The following TBC1D22A variants were observed in gnomAD, a reference collection of about 807,000 sequenced individuals.
The protein encoded by TBC1D22A is putative GTPase activator.
In TBC1D22A, 38 loss-of-function variants were observed where a neutral mutation model predicts 60.2. The ratio of observed to expected loss-of-function variants is 0.63; its 90% CI spans 0.49 to 0.83. TBC1D22A has a LOEUF of 0.83. TBC1D22A is among the 40% of genes least tolerant of loss of function. The pLI is 0.00. For synonymous variants in TBC1D22A, 302 were observed against 281.7 expected, an observed-to-expected ratio of 1.07 and a Z score of -0.72; for missense variants, 628 against 701.0, an observed-to-expected ratio of 0.90 and a Z score of 1.18.
intron 11 of TBC1D22A, among the ~76,000 whole-genome samples, chr22:47,098,704 A>G (rs1239278870): frequency 6.6e-6 from 1 of 152,150 alleles, no homozygotes; most frequent in Non-Finnish European, 1.5e-5. Context: ...AGGTCAGATG[A>G]CTCGCATCAT....
intron 1 of TBC1D22A, among the ~76,000 whole-genome samples, chr22:46,772,885 C>T (rs2083550195): frequency 6.6e-6 from 1 of 152,198 alleles, no homozygotes; most frequent in Non-Finnish European, 1.5e-5. Flanking sequence ...GCCTTGGCCT[C>T]CCAAAGTGCA....
intron 1 of TBC1D22A, among the ~76,000 whole-genome samples, chr22:46,791,735 C>T (rs2084418404): frequency 6.6e-6 from 1 of 152,158 alleles, no homozygotes; most frequent in South Asian, 2.1e-4. Flanking sequence ...TACTCTGATG[C>T]ATGTAAGACT....
chr22:47,007,302 A>G (rs2061625145), intron 10 of TBC1D22A, among the ~76,000 whole-genome samples: 1 of 152,172 alleles, frequency 6.6e-6, no homozygotes, highest in Non-Finnish European at 1.5e-5. Flanking sequence ...GGCACAGAAC[A>G]TGTGTCCTGC....
At chr22:47,086,129 T>C (rs544556309) in intron 11 of TBC1D22A, among the ~76,000 whole-genome samples, 5 of 152,230 alleles carry the variant, frequency 3.3e-5, no homozygotes, top group African/African-American at 7.2e-5. Flanking sequence ...CTGGGAGCGC[T>C]GTGGCTCCCA....
chr22:47,044,373 G>T (rs1302096219), intron 11 of TBC1D22A, among the ~76,000 whole-genome samples: 2 of 152,220 alleles, frequency 1.3e-5, no homozygotes, highest in African/African-American at 4.8e-5. Context: ...GGCTGCCTCG[G>T]GTCTCCACTT....
chr22:47,077,516 T>TG (rs1021823475), intron 11 of TBC1D22A, among the ~76,000 whole-genome samples: 102 of 152,334 alleles, frequency 6.7e-4, no homozygotes, highest in African/African-American at 2.4e-3. Flanking sequence ...TCGGTTCTGC[T>TG]GGGGGGTCTG....
chr22:46,904,861 A>AGCTCCG (rs2069341920), intron 7 of TBC1D22A, among the ~76,000 whole-genome samples: 1 of 124,782 alleles, frequency 8.0e-6, no homozygotes. Flanking sequence ...TGCCAGCTCC[A>AGCTCCG]CCTCCCGGGT....
intron 4 of TBC1D22A, among the ~76,000 whole-genome samples, chr22:46,831,909 T>C (rs1218263514): frequency 6.6e-6 from 1 of 152,192 alleles, no homozygotes; most frequent in Non-Finnish European, 1.5e-5. Flanking sequence ...TAAAATTAGC[T>C]GATTCCAGTG....
At chr22:47,086,860 A>G (rs1294523659) in intron 11 of TBC1D22A, among the ~76,000 whole-genome samples, 1 of 152,220 alleles carries the variant, frequency 6.6e-6, no homozygotes, top group Non-Finnish European at 1.5e-5. Flanking sequence ...GAGCCATCCA[A>G]AAGATTAGTT....
Position 47,028,294 on chromosome 22 carries a change from T to A in TBC1D22A, c.1202-8777T>A, listed in dbSNP as rs2062329243. ...ATTTATTTCATTCTGCACTCATGTTTACTGAGATTCTGAGAGTGAGTGGTC... is the reference window on the plus strand; with the variant it reads ...ATTTATTTCATTCTGCACTCATGTTAACTGAGATTCTGAGAGTGAGTGGTC... On this transcript the variant is annotated intron_variant, in intron 10 of 12. Coordinates refer to ENST00000337137, the MANE Select transcript of TBC1D22A (RefSeq NM_014346.5). This position sits in a 1 kb window ranked among gnomAD's most constrained non-coding sequence, Gnocchi z 4.4. Among the ~76,000 whole-genome samples, 1 of 152,224 alleles carries A rather than the reference T, an allele frequency of 6.6e-6. No individual in the cohort carries two copies. Among genetic ancestry groups the A allele is most frequent in the African/African-American group, 2.4e-5 (1 of 41,446 alleles).
chr22:46,884,221 C>G (rs888998406), intron 5 of TBC1D22A, among the ~76,000 whole-genome samples: 1 of 151,466 alleles, frequency 6.6e-6, no homozygotes, highest in Non-Finnish European at 1.5e-5. Context: ...TGGTGAGGGC[C>G]GAGGAGGGGA....
At chr22:47,169,290 G>A (rs1391403826) in intron 12 of TBC1D22A, among the ~76,000 whole-genome samples, 1 of 152,142 alleles carries the variant, frequency 6.6e-6, no homozygotes, top group Non-Finnish European at 1.5e-5. Flanking sequence ...GGTGGAAAGC[G>A]TGAGCAACTC....
intron 8 of TBC1D22A, among the ~76,000 whole-genome samples, chr22:46,972,206 G>A (rs543412258): frequency 2.7e-4 from 41 of 152,312 alleles, no homozygotes; most frequent in African/African-American, 9.1e-4. Flanking sequence ...CATGCCACTG[G>A]GTGACTCCGA....
At chr22:46,885,136 G>A (rs183069929) in intron 5 of TBC1D22A, among the ~76,000 whole-genome samples, 161 of 152,322 alleles carry the variant, frequency 1.1e-3, no homozygotes, top group African/African-American at 3.5e-3. Flanking sequence ...AGTCTTCAGC[G>A]TCTCTGTATC....
At chr22:47,152,838 C>T (rs912505429) in intron 12 of TBC1D22A, among the ~76,000 whole-genome samples, 10 of 152,150 alleles carry the variant, frequency 6.6e-5, no homozygotes, top group South Asian at 4.1e-4. Flanking sequence ...TCGGGGGAGA[C>T]GCAGGATGCC....
In TBC1D22A at chr22:47,086,198, C is replaced by T. The variant is rs548899798; in HGVS notation, c.1330-25310C>T. On this transcript the variant is annotated intron_variant, in intron 11 of 12. Coordinates refer to ENST00000337137, the MANE Select transcript of TBC1D22A (RefSeq NM_014346.5). ...AGCCATGGCTGGCCGAGCGCGGTGG[C>T]TCATGCCTGTAATCCCAGCACTTTG... Among the ~76,000 whole-genome samples, 4 of 152,310 alleles carry T rather than the reference C, an allele frequency of 2.6e-5. No homozygotes were observed. In the South Asian group the frequency reaches 6.2e-4, roughly 24 times the overall value.
At position 47,111,587 on chromosome 22, in the gene TBC1D22A, A is replaced by G; in HGVS notation, c.1409A>G (p.Glu470Gly). The G allele has an allele frequency of 6.2e-7, 1 of 1,613,896 alleles. No individual in the cohort carries two copies. The highest frequency in any genetic ancestry group is 1.6e-4 in the Middle Eastern group (1 of 6,062). ...FLVRWRKEIL[E>G]EKDFQELLLF... Reference sequence around the variant, plus strand: ...GTGAGATGGAGGAAGGAAATACTAGAAGAAAAAGATTTTCAAGTAAGTAAA... The same window carrying G: ...GTGAGATGGAGGAAGGAAATACTAGGAGAAAAAGATTTTCAAGTAAGTAAA... Residue 470 changes from glutamate to glycine, a missense_variant, in exon 12 of 13, where the codon GAA becomes GGA. Transcript: ENST00000337137.
intron 5 of TBC1D22A, among the ~76,000 whole-genome samples, chr22:46,887,270 A>C (rs1052741596): frequency 5.9e-5 from 9 of 152,220 alleles, no homozygotes; most frequent in Admixed American, 4.6e-4. Context: ...AGCTTAATAG[A>C]TACCACTGCA....
At chr22:47,026,792 A>G (rs1289622167) in intron 10 of TBC1D22A, among the ~76,000 whole-genome samples, 1 of 152,228 alleles carries the variant, frequency 6.6e-6, no homozygotes, top group African/African-American at 2.4e-5. Context: ...AAGACTCAAG[A>G]GTATTAAATG....
Sources: allele counts gnomAD v4.1 joint callset (sites outside exome capture counted in the v4.1 genomes callset), GRCh38; gene constraint gnomAD v4.1.1; non-coding constraint Gnocchi (gnomAD v3.1); transcripts MANE v1.5; gene names NCBI Gene and HGNC (gene_info 2026-07-23, HGNC 2026-07-21).